ADAMTS2: variants seen among roughly 807,000 people sequenced by gnomAD.
ADAMTS2 encodes the protein ADAM metallopeptidase with thrombospondin type 1 motif 2, also known as A disintegrin and metalloproteinase with thrombospondin motifs 2.
ADAMTS2 carries 50 observed loss-of-function variants against 123.0 expected under a neutral mutation model. That is an observed-to-expected ratio of 0.41 (90% CI 0.32 to 0.51). ADAMTS2 has a LOEUF of 0.51. ADAMTS2 is among the 20% of genes least tolerant of loss of function. The probability of loss-of-function intolerance (pLI) is 0.35; values close to 1 mark genes in which losing one functional copy is unlikely to be tolerated. For missense variants in ADAMTS2, 1,494 were observed against 1,705.2 expected (o/e 0.88, Z 2.18); for synonymous variants, 678 against 695.4 (o/e 0.98, Z 0.39).
At chr5:179,321,712 T>G (rs928954715) in intron 2 of ADAMTS2, among the ~76,000 whole-genome samples, 3 of 134,396 alleles carry the variant, frequency 2.2e-5, no homozygotes, top group Admixed American at 8.7e-5. Flanking sequence ...ACCTTGCCCC[T>G]GCACCTAGGA....
chr5:179,181,050 C>T lies in ADAMTS2; in HGVS notation c.975+22G>A, dbSNP rs377515203. 1.6e-5 allele frequency: 26 copies of T among 1,603,078 alleles called. No individual in the cohort carries two copies. Among genetic ancestry groups the T allele is most frequent in the African/African-American group, 1.1e-4 (8 of 74,656 alleles). On this transcript the variant is annotated intron_variant, in intron 5 of 21. Coordinates refer to ENST00000251582, the MANE Select transcript of ADAMTS2 (RefSeq NM_014244.5). This position sits in a 1 kb window ranked among gnomAD's most constrained non-coding sequence, Gnocchi z 4.1. ...CACTCCGAGGGGGTGGAGGCAGGCC[C>T]GGCTGGCCACAGTGCACTCACCTTT...
At chr5:179,254,274 C>T (rs1765993897) in intron 3 of ADAMTS2, among the ~76,000 whole-genome samples, 1 of 152,236 alleles carries the variant, frequency 6.6e-6, no homozygotes, top group South Asian at 2.1e-4. Context: ...CTTAGAAGGA[C>T]TCCAGCCAGA....
chr5:179,273,649 G>A (rs1437764162), intron 2 of ADAMTS2, among the ~76,000 whole-genome samples: 7 of 152,138 alleles, frequency 4.6e-5, no homozygotes, highest in African/African-American at 1.2e-4. Context: ...TGACCACAGC[G>A]GGTCTTGGAT....
chr5:179,240,052 G>A (rs1274257289), intron 3 of ADAMTS2, among the ~76,000 whole-genome samples: 2 of 152,176 alleles, frequency 1.3e-5, no homozygotes, highest in Non-Finnish European at 2.9e-5. Flanking sequence ...CCTAGGGGGT[G>A]CTGCTGAGAG....
intron 3 of ADAMTS2, among the ~76,000 whole-genome samples, chr5:179,269,465 A>G (rs540057243): frequency 2.8e-4 from 42 of 152,142 alleles, no homozygotes; most frequent in Non-Finnish European, 4.9e-4. Context: ...CGAGAGAGAG[A>G]GAGCTTGTGC....
At chr5:179,254,187 GTAT>G (rs1468701689) in intron 3 of ADAMTS2, among the ~76,000 whole-genome samples, 1 of 152,192 alleles carries the variant, frequency 6.6e-6, no homozygotes, top group Non-Finnish European at 1.5e-5. Flanking sequence ...GAATTATGCA[GTAT>G]TATTATTTTA....
intron 3 of ADAMTS2, among the ~76,000 whole-genome samples, chr5:179,237,953 G>A (rs947477483): frequency 3.9e-5 from 6 of 152,166 alleles, no homozygotes; most frequent in African/African-American, 9.7e-5. Flanking sequence ...TCCTGAGAAC[G>A]GCGGTGTTAA....
At chr5:179,321,027 T>C (rs1260624676) in intron 2 of ADAMTS2, among the ~76,000 whole-genome samples, 1 of 152,216 alleles carries the variant, frequency 6.6e-6, no homozygotes, top group East Asian at 1.9e-4. Flanking sequence ...CACCTGAAGC[T>C]AGATAGTTCT....
rs550665109 is a variant in ADAMTS2, at chr5:179,286,872, C to T, written c.535-13808G>A. Among the ~76,000 whole-genome samples, 8 of 152,298 alleles carry T rather than the reference C, an allele frequency of 5.3e-5. No individual in the cohort carries two copies. The East Asian group carries it at 1.2e-3, about 22-fold the overall frequency. On this transcript the variant is annotated intron_variant, in intron 2 of 21. Transcript: ENST00000251582. ...CATCTTTCCCCTGTCCTCACATGGC[C>T]GTCCCCCTGTGTGTACTTCTGTCCT...
chr5:179,329,241 G>T (rs28618672), intron 2 of ADAMTS2, among the ~76,000 whole-genome samples: 5 of 151,372 alleles, frequency 3.3e-5, no homozygotes, highest in Admixed American at 3.3e-4. Flanking sequence ...GCAGGAGAAT[G>T]GCGTGAACCC....
intron 5 of ADAMTS2, among the ~76,000 whole-genome samples, chr5:179,177,862 C>G (rs1373416280): frequency 6.6e-6 from 1 of 152,176 alleles, no homozygotes. Flanking sequence ...ATCAAGTACT[C>G]AAGACTGGGA....
chr5:179,294,631 C>T (rs899448268), intron 2 of ADAMTS2, among the ~76,000 whole-genome samples: 1 of 152,218 alleles, frequency 6.6e-6, no homozygotes, highest in Admixed American at 6.5e-5. Flanking sequence ...CCTGCCCCCG[C>T]CCCCACTGCA....
rs1022896374 is a variant in ADAMTS2, at chr5:179,307,103, G to C, written c.535-34039C>G. ...CGAGTAAGAAGAACCTCTCGGGGAAGTCAGTGGCCAGCCAGCCTAAGCCCG... is the reference window on the plus strand; with the variant it reads ...CGAGTAAGAAGAACCTCTCGGGGAACTCAGTGGCCAGCCAGCCTAAGCCCG... On this transcript the variant is annotated intron_variant, in intron 2 of 21. Transcript: ENST00000251582. This position sits in a 1 kb window ranked among gnomAD's most constrained non-coding sequence, Gnocchi z 5.6. Among the ~76,000 whole-genome samples the C allele has an allele frequency of 1.3e-5, 2 of 152,196 alleles. No homozygotes were observed. The highest frequency in any genetic ancestry group is 2.9e-5 in the Non-Finnish European group (2 of 68,026).
At chr5:179,286,819 G>A (rs952380529) in intron 2 of ADAMTS2, among the ~76,000 whole-genome samples, 3 of 152,116 alleles carry the variant, frequency 2.0e-5, no homozygotes, top group South Asian at 2.1e-4. Flanking sequence ...GGTTTCTCTC[G>A]AGGCCTCTCT....
At chr5:179,217,168 G>A (rs1349178660) in intron 3 of ADAMTS2, among the ~76,000 whole-genome samples, 2 of 152,168 alleles carry the variant, frequency 1.3e-5, no homozygotes, top group African/African-American at 4.8e-5. Flanking sequence ...AATGTGGTGG[G>A]GGCATCCCAC....
At chr5:179,258,165 G>A (rs1169743011) in intron 3 of ADAMTS2, among the ~76,000 whole-genome samples, 2 of 152,174 alleles carry the variant, frequency 1.3e-5, no homozygotes, top group African/African-American at 2.4e-5. Flanking sequence ...AGAGCCCTCT[G>A]CACACGCTGG....
chr5:179,136,490 A>AC lies in ADAMTS2; in HGVS notation c.1952-449dup, dbSNP rs1170519049. Among the ~76,000 whole-genome samples the AC allele has an allele frequency of 3.3e-5, 5 of 151,416 alleles. No homozygotes were observed. The East Asian group carries it at 9.7e-4, about 29-fold the overall frequency. On this transcript the variant is annotated intron_variant, in intron 12 of 21. Coordinates refer to ENST00000251582, the MANE Select transcript of ADAMTS2 (RefSeq NM_014244.5). ...AGACCAGCCTGGCCAACATGGTGAA[A>AC]CCCGTCTCTACTAAAAATACAAAAA...
At chr5:179,119,083 T>C (rs180929113) in intron 21 of ADAMTS2, among the ~76,000 whole-genome samples, 21 of 152,350 alleles carry the variant, frequency 1.4e-4, no homozygotes, top group Admixed American at 1.2e-3. Flanking sequence ...CCTTGGCACC[T>C]GGGCTGTAGG....
At position 179,155,019 on chromosome 5, in the gene ADAMTS2, A is replaced by C. The variant is rs112240616; in HGVS notation, c.1133-100T>G. 2 of 1,062,340 alleles carry C rather than the reference A, an allele frequency of 1.9e-6. No individual in the cohort carries two copies. Among genetic ancestry groups the C allele is most frequent in the Non-Finnish European group, 1.4e-6 (1 of 703,606 alleles). The allele number at this position is 1,062,340 out of a possible 1,614,324, so 65.8% of individuals were successfully genotyped here. ...GGCGCTGCTTCTCCTCAAGGCCCCA[A>C]TGCCCTCTCTACCACAGGCAACTGC... On this transcript the variant is annotated intron_variant, in intron 6 of 21. Coordinates refer to ENST00000251582, the MANE Select transcript of ADAMTS2 (RefSeq NM_014244.5). This position sits in a 1 kb window ranked among gnomAD's most constrained non-coding sequence, Gnocchi z 5.1.
Sources: gnomAD v4.1 joint callset for allele counts (sites outside exome capture counted in the v4.1 genomes callset) on GRCh38, gnomAD v4.1.1 for gene constraint, Gnocchi (gnomAD v3.1) non-coding constraint, MANE v1.5 for transcripts, NCBI Gene and HGNC (gene_info 2026-07-23, HGNC 2026-07-21) for gene names.